Variants in GRM8 observed in about 807,000 individuals in gnomAD.
The protein encoded by GRM8 is glutamate metabotropic receptor 8.
A neutral mutation model predicts 87.2 loss-of-function variants in GRM8; 47 were observed. The ratio of observed to expected loss-of-function variants is 0.54; its 90% confidence interval spans 0.43 to 0.69. The LOEUF (loss-of-function observed/expected upper bound fraction) is 0.69. Ranked by LOEUF, GRM8 falls within the 30% of genes least tolerant of loss-of-function variation. The pLI is 0.00. For synonymous variants in GRM8, 396 were observed against 404.5 expected, an observed-to-expected ratio of 0.98 and a Z score of 0.25; for missense variants, 1,019 against 1,139.2, an observed-to-expected ratio of 0.89 and a Z score of 1.52.
At chr7:126,963,658 A>G (rs188107674) in intron 3 of GRM8, among the ~76,000 whole-genome samples, 1 of 152,376 alleles carries the variant, frequency 6.6e-6, no homozygotes, top group Admixed American at 6.5e-5. Context: ...GCTCAAGGAA[A>G]TAAGAGAGGA....
chr7:126,702,335 C>G (rs1281859421), intron 7 of GRM8, among the ~76,000 whole-genome samples: 1 of 148,870 alleles, frequency 6.7e-6, no homozygotes, highest in Non-Finnish European at 1.5e-5. Flanking sequence ...AGACCATCAT[C>G]TGTTTCAACC....
Position 126,716,225 on chromosome 7 carries a change from G to GT in GRM8, c.1357+53639dup, listed in dbSNP as rs913380664. ...CTCATCTGGCTTCTTTTTCAAAACAGTTTTTTTTTTTCCTTACATATAGTC... is the reference window on the plus strand; with the variant it reads ...CTCATCTGGCTTCTTTTTCAAAACAGTTTTTTTTTTTTCCTTACATATAGTC... On this transcript the variant is annotated intron_variant, in intron 7 of 10. Coordinates refer to ENST00000339582, the MANE Select transcript of GRM8 (RefSeq NM_000845.3). Among the ~76,000 whole-genome samples, 322 of 147,084 alleles carry GT rather than the reference G, an allele frequency of 2.2e-3. 2 individuals carry two copies. The highest frequency in any genetic ancestry group is 0.013 in the East Asian group (65 of 5,050).
At chr7:127,056,257 A>C (rs1819974608) in intron 3 of GRM8, among the ~76,000 whole-genome samples, 1 of 152,244 alleles carries the variant, frequency 6.6e-6, no homozygotes, top group African/African-American at 2.4e-5. Context: ...GATAAAAGTA[A>C]TATTATAAGT....
At chr7:127,064,892 AG>A (rs1391036056) in intron 3 of GRM8, among the ~76,000 whole-genome samples, 1 of 152,202 alleles carries the variant, frequency 6.6e-6, no homozygotes, top group Non-Finnish European at 1.5e-5. Context: ...TGCAGAGGAA[AG>A]GGAACACCTA....
At position 126,533,302 on chromosome 7, in the gene GRM8, A is replaced by G; in HGVS notation, c.2080T>C (p.Ser694Pro). The G allele has an allele frequency of 3.1e-6, 5 of 1,613,476 alleles. No homozygotes were observed. Among genetic ancestry groups the G allele is most frequent in the Non-Finnish European group, 4.2e-6 (5 of 1,179,664 alleles). ...VTAPKFISPA[S>P]QLVITFSLIS... is the part of the protein sequence containing the mutation. ...AGGCTGAAGGTGATCACCAGCTGAG[A>G]TGCTGGACTAATGAACTTGGGCGCT... is the stretch of plus-strand genomic sequence containing the variant. Residue 694 changes from serine to proline, a missense_variant, in exon 9 of 11, where the codon TCT becomes CCT. Coordinates refer to ENST00000339582, the MANE Select transcript of GRM8 (RefSeq NM_000845.3).
intron 3 of GRM8, among the ~76,000 whole-genome samples, chr7:126,997,080 A>C (rs2131997937): frequency 6.6e-6 from 1 of 152,114 alleles, no homozygotes; most frequent in Admixed American, 6.6e-5. Flanking sequence ...TGAAATTGAA[A>C]TAATATAAAA....
chr7:126,865,568 T>A (rs186291785), intron 6 of GRM8, among the ~76,000 whole-genome samples: 336 of 152,268 alleles, frequency 2.2e-3, no homozygotes, highest in Non-Finnish European at 3.9e-3. Context: ...TACATACCAC[T>A]CTTCAATCAT....
chr7:126,474,831 A>G (rs1427613863), intron 9 of GRM8, among the ~76,000 whole-genome samples: 1 of 152,180 alleles, frequency 6.6e-6, no homozygotes, highest in African/African-American at 2.4e-5. Flanking sequence ...GGTTTCATGT[A>G]CACAAATCAA....
chr7:126,904,500 T>C, intron 4 of GRM8, 48 bp downstream of exon 4: 2 of 1,551,090 alleles, frequency 1.3e-6, no homozygotes, highest in South Asian at 1.1e-5. Flanking sequence ...AGAAAGAGGA[T>C]ATGGGACACA....
intron 2 of GRM8, among the ~76,000 whole-genome samples, chr7:127,238,030 G>C (rs1282319339): frequency 6.6e-6 from 1 of 152,060 alleles, no homozygotes; most frequent in Admixed American, 6.6e-5. Flanking sequence ...CATTTCCAAA[G>C]ACCCTCTCCT....
chr7:127,249,726 A>G (rs1376037378), intron 1 of GRM8, among the ~76,000 whole-genome samples: 1 of 152,236 alleles, frequency 6.6e-6, no homozygotes, highest in Non-Finnish European at 1.5e-5. Context: ...TGAAATGGAA[A>G]CAATAAGCCA....
At chr7:126,585,761 A>T (rs1043855463) in intron 8 of GRM8, among the ~76,000 whole-genome samples, 3 of 152,166 alleles carry the variant, frequency 2.0e-5, no homozygotes, top group Non-Finnish European at 2.9e-5. Context: ...TTCCCTTTGA[A>T]AACTGGCACA....
At chr7:127,025,483 T>C (rs1816692878) in intron 3 of GRM8, among the ~76,000 whole-genome samples, 1 of 152,160 alleles carries the variant, frequency 6.6e-6, no homozygotes, top group Non-Finnish European at 1.5e-5. Flanking sequence ...AGCTCCGCTA[T>C]GTGCTAGTTT....
intron 9 of GRM8, among the ~76,000 whole-genome samples, chr7:126,497,163 C>G (rs1808883830): frequency 6.6e-6 from 1 of 151,794 alleles, no homozygotes. Flanking sequence ...AGCCAACATC[C>G]CTCCAAAATA....
intron 7 of GRM8, among the ~76,000 whole-genome samples, chr7:126,630,983 G>A (rs1432717953): frequency 1.3e-5 from 2 of 152,124 alleles, no homozygotes; most frequent in African/African-American, 4.8e-5. Flanking sequence ...AGACAAGGAT[G>A]CCCTCTCTTA....
chr7:126,728,354 C>T (rs1219592533), intron 7 of GRM8, among the ~76,000 whole-genome samples: 2 of 152,154 alleles, frequency 1.3e-5, no homozygotes, highest in South Asian at 4.1e-4. Context: ...CCCTTTGCTT[C>T]CTGAAGAAAT....
chr7:126,842,763 G>A (rs1796391991), intron 6 of GRM8, among the ~76,000 whole-genome samples: 1 of 152,174 alleles, frequency 6.6e-6, no homozygotes, highest in African/African-American at 2.4e-5. Context: ...AATGCAAGCA[G>A]CTTCTAGAAG....
At chr7:127,044,790 G>A (rs527456528) in intron 3 of GRM8, among the ~76,000 whole-genome samples, 1 of 152,292 alleles carries the variant, frequency 6.6e-6, no homozygotes, top group East Asian at 1.9e-4. Context: ...CTTCCAGTGG[G>A]TCAGGCAACA....
At chr7:126,943,205 G>A (rs1156448932) in intron 3 of GRM8, among the ~76,000 whole-genome samples, 1 of 152,166 alleles carries the variant, frequency 6.6e-6, no homozygotes, top group Admixed American at 6.5e-5. Context: ...CTAATGGTCA[G>A]AGTCACCAAG....
Sources: allele counts gnomAD v4.1 joint callset (sites outside exome capture counted in the v4.1 genomes callset), GRCh38; gene constraint gnomAD v4.1.1; transcripts MANE v1.5; gene names NCBI Gene and HGNC (gene_info 2026-07-23, HGNC 2026-07-21).